The following MTSS1 variants were observed in gnomAD, a reference collection of about 807,000 sequenced individuals.
The protein encoded by MTSS1 is protein MTSS 1.
MTSS1 carries 18 observed loss-of-function variants against 79.0 expected under a neutral mutation model. The observed-to-expected ratio is 0.23, with a 90% CI of 0.16 to 0.34. MTSS1 has a LOEUF of 0.34. MTSS1 is among the 10% of genes least tolerant of loss of function. The pLI is 1.00. For synonymous variants in MTSS1, 341 were observed against 368.6 expected, an observed-to-expected ratio of 0.93 and a Z score of 0.86; for missense variants, 815 against 986.2, an observed-to-expected ratio of 0.83 and a Z score of 2.33.
intron 3 of MTSS1, among the ~76,000 whole-genome samples, chr8:124,651,022 C>A (rs1441868280): frequency 6.6e-6 from 1 of 152,218 alleles, no homozygotes; most frequent in Non-Finnish European, 1.5e-5. Context: ...AAAGTGCTTA[C>A]AACAGTGTGC....
chr8:124,664,987 A>G (rs1262674975), intron 3 of MTSS1, among the ~76,000 whole-genome samples: 1 of 151,876 alleles, frequency 6.6e-6, no homozygotes, highest in Non-Finnish European at 1.5e-5. Flanking sequence ...TTTTTTCCTT[A>G]GTGCTACATA....
intron 3 of MTSS1, among the ~76,000 whole-genome samples, chr8:124,594,423 T>C (rs1430375216): frequency 6.6e-6 from 1 of 151,982 alleles, no homozygotes; most frequent in Non-Finnish European, 1.5e-5. Context: ...CCCACCTACT[T>C]GGGAGGAGTA....
In MTSS1 at chr8:124,553,293, CCTT is replaced by C; in HGVS notation, c.1964_1966del (p.Gln655_Gly656delinsArg). 1 of 1,614,154 alleles carries C rather than the reference CCTT, an allele frequency of 6.2e-7. No individual in the cohort carries two copies. The highest frequency in any genetic ancestry group is 8.5e-7 in the Non-Finnish European group (1 of 1,180,022). Reference sequence around the variant, plus strand: ...CATTGAGGAGGGCATGCTGGTGACACCTTGGGGGCCCTCACCCACAGATGGCGA... The same window carrying C: ...CATTGAGGAGGGCATGCTGGTGACACGGGGGCCCTCACCCACAGATGGCGA... On this transcript the variant is annotated inframe_deletion, in exon 14 of 14. Coordinates refer to ENST00000518547, the MANE Select transcript of MTSS1 (RefSeq NM_014751.6). The surrounding 1 kb of genome is among the most constrained non-coding windows in gnomAD (Gnocchi z 6.0).
intron 3 of MTSS1, among the ~76,000 whole-genome samples, chr8:124,657,480 A>C (rs1405420943): frequency 1.3e-5 from 2 of 151,790 alleles, no homozygotes; most frequent in African/African-American, 4.8e-5. Context: ...GTCAGCAAAA[A>C]AAAAAAAAAA....
intron 7 of MTSS1, 123 bp from the exon 8 acceptor site, chr8:124,567,301 G>A: frequency 1.2e-6 from 1 of 813,344 alleles, no homozygotes; most frequent in Non-Finnish European, 1.9e-6. Context: ...GGCACTGTTG[G>A]GACTGGCAAA....
At chr8:124,587,144 A>G (rs1386527687) in intron 5 of MTSS1, among the ~76,000 whole-genome samples, 1 of 152,176 alleles carries the variant, frequency 6.6e-6, no homozygotes, top group Non-Finnish European at 1.5e-5. Flanking sequence ...CCTGCGCAGG[A>G]GAGCAGGTTC....
Position 124,614,163 on chromosome 8 carries a change from C to CAA in MTSS1, c.209-22930_209-22929dup, listed in dbSNP as rs3050528. Among the ~76,000 whole-genome samples the CAA allele has an allele frequency of 6.6e-3, 612 of 92,266 alleles. 7 individuals are homozygous for CAA. Among genetic ancestry groups the CAA allele is most frequent in the East Asian group, 0.033 (118 of 3,556 alleles). The allele number at this position is 92,266 out of a possible 152,430, so 60.5% of individuals were successfully genotyped here. A position where few individuals can be genotyped will look rare whatever the true frequency, so the allele number is the denominator to read the frequency against. On this transcript the variant is annotated intron_variant, in intron 3 of 13. Transcript: ENST00000518547. ...TGGGCGACAGAGCAAATACCTGCCTCAAAAAAAAAAAAAAAAAAAAAGGGT... is the reference window on the plus strand; with the variant it reads ...TGGGCGACAGAGCAAATACCTGCCTCAAAAAAAAAAAAAAAAAAAAAAAGGGT...
intron 3 of MTSS1, among the ~76,000 whole-genome samples, chr8:124,679,728 T>C (rs1052737824): frequency 1.3e-5 from 2 of 152,220 alleles, no homozygotes; most frequent in Non-Finnish European, 2.9e-5. Context: ...ATGCCCAAAA[T>C]GAACTTCAGA....
chr8:124,726,160 C>T (rs1833671288), intron 1 of MTSS1, among the ~76,000 whole-genome samples: 1 of 152,312 alleles, frequency 6.6e-6, no homozygotes, highest in South Asian at 2.1e-4. Context: ...CACCTTGGCA[C>T]CCGTGAGTCC....
At chr8:124,573,333 C>T (rs980015440) in intron 6 of MTSS1, among the ~76,000 whole-genome samples, 3 of 152,248 alleles carry the variant, frequency 2.0e-5, no homozygotes, top group Admixed American at 6.5e-5. Flanking sequence ...TCAGGGAATC[C>T]TGCTGTGAAC....
intron 3 of MTSS1, among the ~76,000 whole-genome samples, chr8:124,604,479 A>C (rs748370600): frequency 8.5e-5 from 13 of 152,226 alleles, no homozygotes; most frequent in Non-Finnish European, 1.6e-4. Context: ...ATTCAAAAAT[A>C]AACCCATAAA....
intron 3 of MTSS1, among the ~76,000 whole-genome samples, chr8:124,652,883 G>A (rs1445373044): frequency 6.6e-6 from 1 of 151,466 alleles, no homozygotes; most frequent in African/African-American, 2.4e-5. Context: ...CACCTAAAAT[G>A]CTCTGAAGTT....
chr8:124,599,271 G>T (rs1833323817), intron 3 of MTSS1, among the ~76,000 whole-genome samples: 1 of 152,132 alleles, frequency 6.6e-6, no homozygotes. Flanking sequence ...ATTGCCTGAG[G>T]TCAGGAGTTT....
intron 1 of MTSS1, among the ~76,000 whole-genome samples, chr8:124,713,708 G>A (rs1831502273): frequency 6.6e-6 from 1 of 152,084 alleles, no homozygotes; most frequent in African/African-American, 2.4e-5. Context: ...ACAGGTATGA[G>A]CCACTGCGCC....
rs1277515799 is a variant in MTSS1 at position 124,582,769 on chromosome 8, G to A, written c.460+2318C>T. On this transcript the variant is annotated intron_variant, in intron 6 of 13. Coordinates refer to ENST00000518547, the MANE Select transcript of MTSS1 (RefSeq NM_014751.6). This position sits in a 1 kb window ranked among gnomAD's most constrained non-coding sequence, Gnocchi z 4.8. ...CCCTCGAGGTGTTCTAGTAGAAAGG[G>A]AAATGTCAGCTAACCAGACCCCTAA... Among the ~76,000 whole-genome samples, 1 of 152,182 alleles carries A rather than the reference G, an allele frequency of 6.6e-6. No individual in the cohort carries two copies. The highest frequency in any genetic ancestry group is 6.5e-5 in the Admixed American group (1 of 15,268).
chr8:124,598,159 G>T (rs930086693), intron 3 of MTSS1, among the ~76,000 whole-genome samples: 1 of 152,126 alleles, frequency 6.6e-6, no homozygotes, highest in African/African-American at 2.4e-5. Flanking sequence ...ACTGGGTGTG[G>T]CGGTGTATGC....
chr8:124,587,217 G>A (rs1208648669), intron 5 of MTSS1, among the ~76,000 whole-genome samples: 1 of 152,178 alleles, frequency 6.6e-6, no homozygotes, highest in African/African-American at 2.4e-5. Context: ...ACGAGTCCCT[G>A]GCATGCAGCA....
intron 3 of MTSS1, among the ~76,000 whole-genome samples, chr8:124,691,248 C>A (rs1827885161): frequency 6.6e-6 from 1 of 152,176 alleles, no homozygotes; most frequent in Non-Finnish European, 1.5e-5. Flanking sequence ...TACATCACCT[C>A]CCACTAGGGC....
chr8:124,555,064 C>T lies in MTSS1; in HGVS notation c.1567+678G>A, dbSNP rs557349337. ...TTTGCCATGTTTCCCAGACTGGTCT[C>T]GAACTTCTGCAGCTCAAGCAATCTG... is the stretch of plus-strand genomic sequence containing the variant. On this transcript the variant is annotated intron_variant, in intron 13 of 13. Transcript: ENST00000518547. Among the ~76,000 whole-genome samples the T allele has an allele frequency of 5.9e-5, 9 of 152,260 alleles. No individual in the cohort carries two copies. In the East Asian group the frequency reaches 1.4e-3, roughly 23 times the overall value.
Sources: allele counts gnomAD v4.1 joint callset (sites outside exome capture counted in the v4.1 genomes callset), GRCh38; gene constraint gnomAD v4.1.1; non-coding constraint Gnocchi (gnomAD v3.1); transcripts MANE v1.5; gene names NCBI Gene and HGNC (gene_info 2026-07-23, HGNC 2026-07-21).